The following KCNN2 variants were observed in gnomAD, a reference collection of about 807,000 sequenced individuals.
KCNN2 encodes small conductance calcium-activated potassium channel protein 2.
In KCNN2, 24 loss-of-function variants were observed where a neutral mutation model predicts 55.5. That is an observed-to-expected ratio of 0.43 (90% confidence interval 0.31 to 0.61). KCNN2 has a LOEUF of 0.61. Ranked by LOEUF, KCNN2 falls within the 20% of genes least tolerant of loss-of-function variation. The pLI is 0.08. For missense variants in KCNN2, 754 were observed against 853.6 expected (o/e 0.88, Z 1.45); for synonymous variants, 431 against 336.1 (o/e 1.28, Z -3.09).
rs567162891 is a variant in KCNN2, at chr5:114,167,170, T to C, written c.-270-54310T>C. Among the ~76,000 whole-genome samples, 8 of 152,242 alleles carry C rather than the reference T, an allele frequency of 5.3e-5. No individual in the cohort carries two copies. In the East Asian group the frequency reaches 1.6e-3, roughly 30 times the overall value. The stretch of plus-strand genomic sequence containing the variant: ...TGAACTTTCAGATGATTTCAGGCCC[T>C]AACCTACTACCAGCCTTCACATCTT... On this transcript the variant is annotated intron_variant, in intron 1 of 10. Coordinates refer to the KCNN2 transcript ENST00000512097.
intron 2 of KCNN2, among the ~76,000 whole-genome samples, chr5:114,393,144 T>A (rs1758504603): frequency 6.6e-6 from 1 of 152,164 alleles, no homozygotes; most frequent in Non-Finnish European, 1.5e-5. Context: ...ATATTGCTCT[T>A]CCACATCAAA....
At chr5:114,187,515 T>A (rs2112559354) in intron 1 of KCNN2, among the ~76,000 whole-genome samples, 1 of 150,506 alleles carries the variant, frequency 6.6e-6, no homozygotes, top group East Asian at 2.0e-4. Flanking sequence ...GCTTTTTTTT[T>A]TTTTTTTTGA....
intron 2 of KCNN2, among the ~76,000 whole-genome samples, chr5:114,309,390 T>G (rs185954951): frequency 7.1e-4 from 108 of 152,308 alleles, no homozygotes; most frequent in Non-Finnish European, 1.1e-3. Context: ...AGACTGGATT[T>G]TCCTCACAAA....
chr5:114,090,183 A>G (rs1580502312), intron 1 of KCNN2, among the ~76,000 whole-genome samples: 1 of 152,286 alleles, frequency 6.6e-6, no homozygotes, highest in Non-Finnish European at 1.5e-5. Flanking sequence ...AAAAGGTGGT[A>G]TTTCTTATAG....
rs1268964021 is a variant in KCNN2 at position 114,144,689 on chromosome 5, C to A, written c.-270-76791C>A. Among the ~76,000 whole-genome samples, 4 of 151,810 alleles carry A rather than the reference C, an allele frequency of 2.6e-5. No individual in the cohort carries two copies. The East Asian group carries it at 5.8e-4, about 22-fold the overall frequency. On this transcript the variant is annotated intron_variant, in intron 1 of 10. Coordinates refer to the KCNN2 transcript ENST00000512097. The stretch of plus-strand genomic sequence containing the variant: ...ACAGGTAATTATGTTGGTTTTTGAA[C>A]TAGTATGCATCTTTCCTACTAATAA...
intron 1 of KCNN2, among the ~76,000 whole-genome samples, chr5:114,187,947 T>C (rs925636465): frequency 1.2e-4 from 19 of 152,076 alleles, no homozygotes; most frequent in African/African-American, 4.6e-4. Flanking sequence ...CCCCAGTAGC[T>C]GGGATTACAG....
In KCNN2 at chr5:114,216,345, G is replaced by T. The variant is rs370909166; in HGVS notation, c.-270-5135G>T. Among the ~76,000 whole-genome samples the T allele has an allele frequency of 8.5e-5, 13 of 152,252 alleles. No homozygotes were observed. The East Asian group carries it at 1.5e-3, about 18-fold the overall frequency. The stretch of plus-strand genomic sequence containing the variant: ...TCTGCAATCAGTGACAGCTATGGAT[G>T]CTTAATTGATTTGAATCAGTTGTTA... On this transcript the variant is annotated intron_variant, in intron 1 of 10. Transcript: ENST00000512097.
At chr5:114,101,540 C>A (rs1478834594) in intron 1 of KCNN2, among the ~76,000 whole-genome samples, 1 of 151,638 alleles carries the variant, frequency 6.6e-6, no homozygotes, top group Non-Finnish European at 1.5e-5. Flanking sequence ...ACCCATCAAC[C>A]TGTCGTCTGC....
At chr5:114,190,132 G>A (rs569459549) in intron 1 of KCNN2, among the ~76,000 whole-genome samples, 69 of 152,176 alleles carry the variant, frequency 4.5e-4, no homozygotes, top group Non-Finnish European at 8.7e-4. Flanking sequence ...TTAGGCTCCT[G>A]TTCCCTGCCA....
At chr5:114,456,948 T>C (rs1760952800) in intron 3 of KCNN2, among the ~76,000 whole-genome samples, 1 of 152,216 alleles carries the variant, frequency 6.6e-6, no homozygotes, top group Non-Finnish European at 1.5e-5. Context: ...TGGAATCTAC[T>C]CCTGGAGAAG....
chr5:114,212,344 A>T (rs1195448042), intron 1 of KCNN2, among the ~76,000 whole-genome samples: 1 of 152,064 alleles, frequency 6.6e-6, no homozygotes, highest in Non-Finnish European at 1.5e-5. Context: ...GATGATAGGC[A>T]AATCTATAGA....
intron 2 of KCNN2, among the ~76,000 whole-genome samples, chr5:114,327,484 CAT>C (rs754713969): frequency 6.6e-5 from 10 of 152,258 alleles, no homozygotes; most frequent in African/African-American, 1.2e-4. Context: ...ACAAAAGTCA[CAT>C]GTCTTTTCTG....
intron 2 of KCNN2, among the ~76,000 whole-genome samples, chr5:114,227,309 A>G (rs1754256346): frequency 6.6e-6 from 1 of 152,198 alleles, no homozygotes; most frequent in Admixed American, 6.5e-5. Context: ...TACTAAAAAT[A>G]TAACCTGTCA....
At chr5:114,095,456 C>A (rs74532027) in intron 1 of KCNN2, among the ~76,000 whole-genome samples, 2,360 of 152,142 alleles carry the variant, frequency 0.016, 56 homozygotes, top group African/African-American at 0.053. Context: ...GGACTTAAAA[C>A]GAAGGCAGAT....
At chr5:114,409,816 T>G (rs941498004) in intron 3 of KCNN2, among the ~76,000 whole-genome samples, 2 of 152,210 alleles carry the variant, frequency 1.3e-5, no homozygotes, top group African/African-American at 2.4e-5. Flanking sequence ...GGTATTATTT[T>G]CCCTGGCATA....
chr5:114,204,517 ACTT>A (rs777796974), intron 1 of KCNN2, among the ~76,000 whole-genome samples: 10 of 152,180 alleles, frequency 6.6e-5, no homozygotes, highest in Non-Finnish European at 8.8e-5. Flanking sequence ...CCTAGAAGTA[ACTT>A]CTTCTGATGT....
intron 1 of KCNN2, among the ~76,000 whole-genome samples, chr5:114,066,387 T>C (rs969640388): frequency 1.3e-5 from 2 of 152,208 alleles, no homozygotes; most frequent in African/African-American, 2.4e-5. Context: ...TGAGTTTAAA[T>C]GGACAGGCCT....
At chr5:114,329,134 A>G (rs1040756620) in intron 2 of KCNN2, among the ~76,000 whole-genome samples, 29 of 152,160 alleles carry the variant, frequency 1.9e-4, no homozygotes, top group Non-Finnish European at 1.0e-4. Flanking sequence ...CTTCATGGAT[A>G]CAAATGGTAT....
chr5:114,486,781 T>A (rs1747563757), intron 5 of KCNN2: 10 of 1,333,076 alleles, frequency 7.5e-6, no homozygotes, highest in Non-Finnish European at 8.8e-6. Flanking sequence ...AATAGTTGAA[T>A]AAAAAAGAAG....
Sources: allele counts gnomAD v4.1 joint callset (sites outside exome capture counted in the v4.1 genomes callset), GRCh38; gene constraint gnomAD v4.1.1; transcripts MANE v1.5; gene names NCBI Gene and HGNC (gene_info 2026-07-23, HGNC 2026-07-21).